The following FAM186B variants were observed in gnomAD, a reference collection of about 807,000 sequenced individuals.
FAM186B encodes the protein protein FAM186B.
A neutral mutation model predicts 83.4 loss-of-function variants in FAM186B; 68 were observed. That is an observed-to-expected ratio of 0.81 (90% CI 0.67 to 1.00). The LOEUF (loss-of-function observed/expected upper bound fraction) is 1.00. FAM186B is among the 50% of genes least tolerant of loss of function. The pLI, the probability that FAM186B is intolerant of heterozygous loss-of-function variation, is 0.00. For synonymous variants in FAM186B, 389 were observed against 422.0 expected, an observed-to-expected ratio of 0.92 and a Z score of 0.96; for missense variants, 983 against 1,099.2, an observed-to-expected ratio of 0.89 and a Z score of 1.49.
chr12:49,583,570 G>A (rs1939379507), downstream of FAM186B: 1 of 154,288 alleles, frequency 6.5e-6, no homozygotes, highest in South Asian at 2.0e-4. Context: ...AGGCATCCTC[G>A]CGATATCTTA....
the FAM186B span, among the ~76,000 whole-genome samples, chr12:49,614,065 G>A: frequency 1.2e-3 from 185 of 151,240 alleles, no homozygotes; most frequent in Non-Finnish European, 2.1e-3. Context: ...CAGGAGAATC[G>A]CTTGAACCTG....
chr12:49,604,776 T>C (rs908869448), intron 1 of FAM186B: 1 of 427,404 alleles, frequency 2.3e-6, no homozygotes, highest in South Asian at 4.5e-5. Flanking sequence ...TAGCTTTTAT[T>C]ATCATTGTGA....
At chr12:49,619,642 A>G in the FAM186B span, 2 of 381,514 alleles carry the variant, frequency 5.2e-6, no homozygotes, top group East Asian at 7.1e-5. Context: ...GTTTTGTTGG[A>G]GGAGCTTACT....
chr12:49,609,031 G>C (rs1027059419), upstream of FAM186B, among the ~76,000 whole-genome samples: 3 of 152,142 alleles, frequency 2.0e-5, no homozygotes, highest in Non-Finnish European at 4.4e-5. Flanking sequence ...GCCAGAGATT[G>C]GAGTGCCTGC....
intron 5 of FAM186B, among the ~76,000 whole-genome samples, chr12:49,592,750 C>T (rs1297693512): frequency 6.6e-6 from 1 of 152,086 alleles, no homozygotes; most frequent in African/African-American, 2.4e-5. Context: ...CGCACCACCA[C>T]ACTCCAGCTT....
Position 49,588,510 on chromosome 12 carries a change from G to A in FAM186B, c.2478C>T (p.Thr826=). The A allele has an allele frequency of 6.2e-7, 1 of 1,613,616 alleles. No homozygotes were observed. The highest frequency in any genetic ancestry group is 1.1e-5 in the South Asian group (1 of 90,956). The change falls in exon 6 of 7, where the codon ACC becomes ACT. Residue 826 remains threonine (T), a synonymous_variant. Transcript: ENST00000257894. ...SPRHIRPSGP[T]YKQPFLSRHR... is the part of the protein sequence containing the mutation. ...GCCTAGACAGAAAGGGCTGCTTGTA[G>A]GTGGGGCCACTGGGGCGGATGTGCC...
chr12:49,595,244 AC>A, intron 5 of FAM186B: 1 of 689,186 alleles, frequency 1.5e-6, no homozygotes. Context: ...GCTGGAAAAG[AC>A]CCAGTACAGT....
chr12:49,600,928 TG>T lies in FAM186B; in HGVS notation c.711del (p.Thr238LeufsTer10), dbSNP rs779113622. 1.9e-6 allele frequency: 3 copies of T among 1,614,052 alleles called. No homozygotes were observed. ...GCCTTGTTGAGGTTCTCCACCACAG[TG>T]GCCATGTACCTGATGGCCCTGACCT... ...KGEVRAIRYMATVVENLNKAL... is the reference protein window; with the variant it reads ...KGEVRAIRYMXTVVENLNKAL... On this transcript the variant is annotated frameshift_variant, in exon 4 of 7. Coordinates refer to ENST00000257894, the MANE Select transcript of FAM186B (RefSeq NM_032130.3). LOFTEE classifies it high-confidence loss of function. This position sits in a 1 kb window ranked among gnomAD's most constrained non-coding sequence, Gnocchi z 4.3.
At position 49,600,311 on chromosome 12, in the gene FAM186B, G is replaced by T. The variant is rs1372646283; in HGVS notation, c.1329C>A (p.Asp443Glu). The change falls in exon 4 of 7, where the codon GAC becomes GAA. Residue 443 changes from aspartate to glutamate, a missense_variant. Physicochemically the swap from Asp to Glu is conservative, Grantham distance 45. Coordinates refer to ENST00000257894, the MANE Select transcript of FAM186B (RefSeq NM_032130.3). This position sits in a 1 kb window ranked among gnomAD's most constrained non-coding sequence, Gnocchi z 4.3. ...CTCCCTTCTGGAAGTAGTCCTCCTG[G>T]TCTTTGTCTTTGTGGCCTAAGCTTT... Reference protein sequence around the residue: ...VAESLGHKDKDQEDYFQKGGL... With the variant: ...VAESLGHKDKEQEDYFQKGGL... 6.2e-7 allele frequency: 1 copy of T among 1,614,050 alleles called. No individual in the cohort carries two copies. Among genetic ancestry groups the T allele is most frequent in the East Asian group, 2.2e-5 (1 of 44,878 alleles).
In FAM186B at chr12:49,600,636, G is replaced by C; in HGVS notation, c.1004C>G (p.Ser335Cys). The C allele has an allele frequency of 6.2e-7, 1 of 1,613,666 alleles. No individual in the cohort carries two copies. The highest frequency in any genetic ancestry group is 8.5e-7 in the Non-Finnish European group (1 of 1,179,760). ...TGQAEDLAEVSVDSPGPSERE... is the reference protein window; with the variant it reads ...TGQAEDLAEVCVDSPGPSERE... Reference sequence around the variant, plus strand: ...CTCAGAGGGACCTGGGGAGTCAACAGAAACCTCAGCCAGGTCTTCTGCCTG... The same window carrying C: ...CTCAGAGGGACCTGGGGAGTCAACACAAACCTCAGCCAGGTCTTCTGCCTG... The change falls in exon 4 of 7, where the codon TCT becomes TGT. Residue 335 changes from serine (S) to cysteine (C), a missense_variant. Physicochemically the swap from Ser to Cys is moderately radical, Grantham distance 112. Transcript: ENST00000257894. This position sits in a 1 kb window ranked among gnomAD's most constrained non-coding sequence, Gnocchi z 4.3.
At chr12:49,601,621 G>GT (rs78749792) in intron 3 of FAM186B, among the ~76,000 whole-genome samples, 27,455 of 145,674 alleles carry the variant, frequency 0.19, 3,447 homozygotes, top group African/African-American at 0.37. Context: ...CATGTTTTAT[G>GT]TTTTTTTTTT....
Position 49,603,168 on chromosome 12 carries a change from G to A in FAM186B, c.505+17C>T. On this transcript the variant is annotated intron_variant, in intron 3 of 6. Coordinates refer to ENST00000257894, the MANE Select transcript of FAM186B (RefSeq NM_032130.3). ...CGTCCCCACCTAGCTCCCTGGCCAG[G>A]TGCTCCTAGAACCTACCTTGTGACC... 6.2e-7 allele frequency: 1 copy of A among 1,614,098 alleles called. No homozygotes were observed. Among genetic ancestry groups the A allele is most frequent in the Non-Finnish European group, 8.5e-7 (1 of 1,180,014 alleles).
At chr12:49,617,550 A>C in the FAM186B span, among the ~76,000 whole-genome samples, 1 of 152,212 alleles carries the variant, frequency 6.6e-6, no homozygotes, top group Non-Finnish European at 1.5e-5. Context: ...TCTCAAAAAA[A>C]AGCAATATTT....
At chr12:49,595,327 G>A in intron 5 of FAM186B, 1 of 605,036 alleles carries the variant, frequency 1.7e-6, no homozygotes. Context: ...ATATGACATA[G>A]TAGTTCTACC....
downstream of FAM186B, chr12:49,583,410 G>T (rs1461483054): frequency 4.4e-6 from 1 of 227,290 alleles, no homozygotes; most frequent in Non-Finnish European, 9.0e-6. Context: ...TTTAGTGTGA[G>T]GGCATTTTAA....
rs974790010 is a variant in FAM186B at position 49,604,164 on chromosome 12, G to A, written c.322+149C>T. ...ATCTGTGATGTTTGGACACTTCTGT[G>A]TCTGCCCCTCAGGAGCATGGAGGTG... On this transcript the variant is annotated intron_variant, in intron 2 of 6. Transcript: ENST00000257894. The A allele has an allele frequency of 7.9e-6, 5 of 633,162 alleles. No homozygotes were observed. In the Admixed American group the frequency reaches 1.4e-4, roughly 18 times the overall value. 39.2% of individuals were successfully genotyped at this position (633,162 alleles called of 1,614,324 possible).
At chr12:49,603,458 G>A in intron 2 of FAM186B, 91 bp from the exon 3 acceptor site, 4 of 1,305,272 alleles carry the variant, frequency 3.1e-6, no homozygotes, top group Non-Finnish European at 4.3e-6. Flanking sequence ...CAGCAGCTGT[G>A]AAGTCACATT....
At chr12:49,611,152 C>T in the FAM186B span, among the ~76,000 whole-genome samples, 1 of 151,936 alleles carries the variant, frequency 6.6e-6, no homozygotes, top group Non-Finnish European at 1.5e-5. Context: ...GCAGGTGGAT[C>T]ATCTGAAGTC....
Position 49,599,648 on chromosome 12 carries a change from C to T in FAM186B, c.1992G>A (p.Met664Ile). The part of the protein sequence containing the change: ...PANIKKKVYH[M>I]DMEAQRKNLQ... ...GGTTCTTCCTCTGGGCCTCCATGTC[C>T]ATGTGGTACACCTTCTTCTTAATAT... The change falls in exon 4 of 7, where the codon ATG becomes ATA. Residue 664 changes from methionine (M) to isoleucine (I), a missense_variant. Coordinates refer to ENST00000257894, the MANE Select transcript of FAM186B (RefSeq NM_032130.3). The T allele has an allele frequency of 6.2e-7, 1 of 1,606,244 alleles. No homozygotes were observed. Among genetic ancestry groups the T allele is most frequent in the South Asian group, 1.1e-5 (1 of 89,700 alleles).
Sources: gnomAD v4.1 joint callset for allele counts (sites outside exome capture counted in the v4.1 genomes callset) on GRCh38, gnomAD v4.1.1 for gene constraint, Gnocchi (gnomAD v3.1) non-coding constraint, MANE v1.5 for transcripts, NCBI Gene and HGNC (gene_info 2026-07-23, HGNC 2026-07-21) for gene names.